The following ZFHX3 variants were observed in gnomAD, a reference collection of about 807,000 sequenced individuals.
ZFHX3 encodes the protein zinc finger homeobox protein 3.
In ZFHX3, 42 loss-of-function variants were observed where a neutral mutation model predicts 279.1. That is an observed-to-expected ratio of 0.15 (90% confidence interval 0.12 to 0.19). The LOEUF (loss-of-function observed/expected upper bound fraction) is 0.19, where lower values mean the gene tolerates loss of function less well. Ranked by LOEUF, ZFHX3 falls within the 10% of genes least tolerant of loss-of-function variation. ZFHX3 has a pLI of 1.00. For missense variants in ZFHX3, 4,981 were observed against 4,754.0 expected (o/e 1.05, Z -1.40); for synonymous variants, 2,293 against 1,957.8 (o/e 1.17, Z -4.52).
chr16:72,968,144 G>C (rs923771863), intron 1 of ZFHX3, among the ~76,000 whole-genome samples: 1 of 152,048 alleles, frequency 6.6e-6, no homozygotes. Flanking sequence ...GATACACCGA[G>C]AGGAACACAA....
At chr16:72,906,746 C>T (rs1360204067) in intron 3 of ZFHX3, among the ~76,000 whole-genome samples, 2 of 152,082 alleles carry the variant, frequency 1.3e-5, no homozygotes, top group African/African-American at 2.4e-5. Context: ...TACAGTGAGC[C>T]GAGATCATGC....
chr16:72,925,472 C>G (rs1165174418), intron 3 of ZFHX3, among the ~76,000 whole-genome samples: 1 of 152,242 alleles, frequency 6.6e-6, no homozygotes, highest in African/African-American at 2.4e-5. Flanking sequence ...TGTCACAGGT[C>G]AGGCTAAATG....
chr16:73,317,274 G>A lies in ZFHX3; in HGVS notation c.-1194+966C>T, dbSNP rs568801636. Among the ~76,000 whole-genome samples the A allele has an allele frequency of 4.0e-5, 6 of 151,512 alleles. No homozygotes were observed. The South Asian group carries it at 8.4e-4, about 21-fold the overall frequency. ...GCCGCTTTCCCTTTAAACAGAAGCC[G>A]GGGGGTGGGGTGGGGGTGGCGGTGG... On this transcript the variant is annotated intron_variant, in intron 4 of 17. Transcript: ENST00000641206.
rs2054044230 is a variant in ZFHX3 at position 73,773,558 on chromosome 16, T to C, written c.-1607-93318A>G. Among the ~76,000 whole-genome samples, 3 of 152,210 alleles carry C rather than the reference T, an allele frequency of 2.0e-5. No individual in the cohort carries two copies. The South Asian group carries it at 6.2e-4, about 32-fold the overall frequency. ...GGATGAGAGAAACAATTAACAAGTA[T>C]CTACATAATAATGTGTCCGTGGAAA... On this transcript the variant is annotated intron_variant, in intron 1 of 17. Transcript: ENST00000641206.
chr16:73,553,253 T>C (rs75687470), intron 2 of ZFHX3, among the ~76,000 whole-genome samples: 1,901 of 152,224 alleles, frequency 0.012, 46 homozygotes, highest in African/African-American at 0.044. Flanking sequence ...TTTGTTTAGT[T>C]TTGGATTTCA....
At chr16:73,201,625 AG>A (rs1425672347) in intron 5 of ZFHX3, among the ~76,000 whole-genome samples, 1 of 152,258 alleles carries the variant, frequency 6.6e-6, no homozygotes, top group Non-Finnish European at 1.5e-5. Flanking sequence ...ATGCTGCAAA[AG>A]CATCTTAGAC....
rs773089533 is a variant in ZFHX3 at position 73,435,866 on chromosome 16, C to T, written c.-1291+20137G>A. ...GCTGCTGAAGCCTGGGCGGCCTCTGCAGACCTCAAGGGCATCCTGCCTGGT... is the reference window on the plus strand; with the variant it reads ...GCTGCTGAAGCCTGGGCGGCCTCTGTAGACCTCAAGGGCATCCTGCCTGGT... On this transcript the variant is annotated intron_variant, in intron 3 of 17. Transcript: ENST00000641206. 4.6e-5 allele frequency among the ~76,000 whole-genome samples: 7 copies of T among 152,332 alleles called. No individual in the cohort carries two copies. In the Middle Eastern group the frequency reaches 0.01, roughly 222 times the overall value.
intron 4 of ZFHX3, among the ~76,000 whole-genome samples, chr16:73,308,740 A>T (rs893784938): frequency 6.6e-6 from 1 of 152,064 alleles, no homozygotes; most frequent in Admixed American, 6.5e-5. Flanking sequence ...ACCATTTTTG[A>T]GAAGACATAT....
At chr16:72,992,280 C>A (rs1963121155) in intron 1 of ZFHX3, among the ~76,000 whole-genome samples, 1 of 152,202 alleles carries the variant, frequency 6.6e-6, no homozygotes, top group Non-Finnish European at 1.5e-5. Context: ...CAGCCATCAA[C>A]AGCACTTCTG....
intron 1 of ZFHX3, among the ~76,000 whole-genome samples, chr16:73,713,540 C>T (rs1368606524): frequency 6.6e-6 from 1 of 152,168 alleles, no homozygotes; most frequent in Non-Finnish European, 1.5e-5. Flanking sequence ...TTCGGAATTG[C>T]AGGCACATAC....
At chr16:73,364,371 ATAT>A (rs1241486628) in intron 3 of ZFHX3, among the ~76,000 whole-genome samples, 13 of 149,434 alleles carry the variant, frequency 8.7e-5, no homozygotes, top group Middle Eastern at 3.6e-3. Context: ...TAATATTGTA[ATAT>A]TATAATAATA....
intron 1 of ZFHX3, among the ~76,000 whole-genome samples, chr16:73,776,884 G>A (rs1959267380): frequency 6.6e-6 from 1 of 152,054 alleles, no homozygotes; most frequent in Non-Finnish European, 1.5e-5. Context: ...AGTACGGCCT[G>A]CTTGCTTTAT....
chr16:73,728,812 TACACACACACACACAC>T (rs3049676), intron 1 of ZFHX3, among the ~76,000 whole-genome samples: 1 of 146,040 alleles, frequency 6.8e-6, no homozygotes, highest in Non-Finnish European at 1.5e-5. Context: ...AATAACCCCC[TACACACACACACACAC>T]ACACACACAC....
chr16:73,461,620 A>T (rs74028666), intron 2 of ZFHX3, among the ~76,000 whole-genome samples: 7,891 of 152,316 alleles, frequency 0.052, 657 homozygotes, highest in African/African-American at 0.18. Context: ...CCACGTATAC[A>T]AGCAGCAGTC....
intron 2 of ZFHX3, among the ~76,000 whole-genome samples, chr16:73,547,015 A>G (rs1414246269): frequency 2.0e-5 from 3 of 152,078 alleles, no homozygotes; most frequent in Admixed American, 1.3e-4. Context: ...AACATATCCA[A>G]CGTTGCAAAA....
At chr16:73,617,233 A>G (rs541587739) in intron 2 of ZFHX3, among the ~76,000 whole-genome samples, 25 of 152,334 alleles carry the variant, frequency 1.6e-4, no homozygotes, top group Non-Finnish European at 2.9e-5. Flanking sequence ...GGCTGCTTAT[A>G]AGGTGGGAAT....
chr16:73,356,675 G>C (rs763226339), intron 3 of ZFHX3, among the ~76,000 whole-genome samples: 1 of 152,046 alleles, frequency 6.6e-6, no homozygotes, highest in Admixed American at 6.6e-5. Context: ...TGTCAAGGAC[G>C]GAGCCAGCAT....
intron 3 of ZFHX3, among the ~76,000 whole-genome samples, chr16:72,897,581 T>C (rs186422514): frequency 1.3e-5 from 2 of 152,122 alleles, no homozygotes; most frequent in African/African-American, 2.4e-5. Flanking sequence ...GCTGGGACTA[T>C]AGGTGCGTGC....
chr16:72,921,960 G>C (rs1269940606), intron 3 of ZFHX3, among the ~76,000 whole-genome samples: 1 of 152,206 alleles, frequency 6.6e-6, no homozygotes, highest in Non-Finnish European at 1.5e-5. Flanking sequence ...GGCACCAGGG[G>C]CCCCTGCCAG....
Sources: gnomAD v4.1 joint callset for allele counts (sites outside exome capture counted in the v4.1 genomes callset) on GRCh38, gnomAD v4.1.1 for gene constraint, MANE v1.5 for transcripts, NCBI Gene and HGNC (gene_info 2026-07-23, HGNC 2026-07-21) for gene names.